The following TMEM33 variants were observed in gnomAD, a reference collection of about 807,000 sequenced individuals.
The protein encoded by TMEM33 is transmembrane protein 33.
In TMEM33, 16 loss-of-function variants were observed where a neutral mutation model predicts 29.7. The ratio of observed to expected loss-of-function variants is 0.54; its 90% confidence interval spans 0.36 to 0.82. The LOEUF (loss-of-function observed/expected upper bound fraction) is 0.82, where lower values mean the gene tolerates loss of function less well. Among genes scored for constraint, TMEM33 ranks in the 40% least tolerant of loss-of-function variants. The probability of loss-of-function intolerance (pLI) is 0.00; values close to 1 mark genes in which losing one functional copy is unlikely to be tolerated. For missense variants in TMEM33, 252 were observed against 295.3 expected (o/e 0.85, Z 1.08); for synonymous variants, 112 against 109.4 (o/e 1.02, Z -0.15).
In TMEM33 at chr4:41,957,407, T is replaced by C. The variant is rs1022665628; in HGVS notation, c.*3208T>C. ...GAAAAGGCCAACTATAATACTAAGC[T>C]AAAAGTTATGAAAAATTAATAGGTT... On this transcript the variant is annotated 3_prime_UTR_variant, in exon 7 of 7. Transcript: ENST00000504986. 12 of 151,904 alleles carry C rather than the reference T, an allele frequency of 7.9e-5. No homozygotes were observed. Among genetic ancestry groups the C allele is most frequent in the Non-Finnish European group, 1.2e-4 (8 of 67,964 alleles). 9.4% of individuals were successfully genotyped at this position (151,904 alleles called of 1,614,324 possible).
Position 41,945,161 on chromosome 4 carries a change from CT to C in TMEM33, c.530+238del, listed in dbSNP as rs1446157486. Among the ~76,000 whole-genome samples, 3 of 152,262 alleles carry C rather than the reference CT, an allele frequency of 2.0e-5. No homozygotes were observed. The East Asian group carries it at 5.8e-4, about 29-fold the overall frequency. ...TTATCATTTGACATTTTAAAAATTACTTTCATAGTTACCACCTTTGAAAGAA... is the reference window on the plus strand; with the variant it reads ...TTATCATTTGACATTTTAAAAATTACTTCATAGTTACCACCTTTGAAAGAA... On this transcript the variant is annotated intron_variant, in intron 5 of 6. Transcript: ENST00000504986.
In TMEM33 at chr4:41,955,720, T is replaced by C. The variant is rs1713235295; in HGVS notation, c.*1521T>C. 1 of 152,644 alleles carries C rather than the reference T, an allele frequency of 6.6e-6. No individual in the cohort carries two copies. Among genetic ancestry groups the C allele is most frequent in the Non-Finnish European group, 1.5e-5 (1 of 68,034 alleles). The allele number at this position is 152,644 out of a possible 1,614,324, so 9.5% of individuals were successfully genotyped here. A position where few individuals can be genotyped will look rare whatever the true frequency, so the allele number is the denominator to read the frequency against. ...CCTCATACAGTTGATTTTGTGTATGTGGCTAGTCTTATTGTCACTATGTAA... is the reference window on the plus strand; with the variant it reads ...CCTCATACAGTTGATTTTGTGTATGCGGCTAGTCTTATTGTCACTATGTAA... On this transcript the variant is annotated 3_prime_UTR_variant, in exon 7 of 7. Coordinates refer to ENST00000504986, the MANE Select transcript of TMEM33 (RefSeq NM_018126.3).
intron 3 of TMEM33, among the ~76,000 whole-genome samples, chr4:41,942,898 A>G (rs756196851): frequency 6.6e-6 from 1 of 152,220 alleles, no homozygotes; most frequent in Non-Finnish European, 1.5e-5. Flanking sequence ...AACTGTGACA[A>G]CTTGTTAGGT....
chr4:41,948,810 T>A (rs1712906290), intron 5 of TMEM33, among the ~76,000 whole-genome samples: 1 of 152,110 alleles, frequency 6.6e-6, no homozygotes. Flanking sequence ...TTCATAAACA[T>A]ATATATAATT....
In TMEM33 at chr4:41,957,912, A is replaced by G. The variant is rs1713332557; in HGVS notation, c.*3713A>G. 6.6e-6 allele frequency: 1 copy of G among 152,232 alleles called. No individual in the cohort carries two copies. Among genetic ancestry groups the G allele is most frequent in the Admixed American group, 6.5e-5 (1 of 15,284 alleles). 9.4% of individuals were successfully genotyped at this position (152,232 alleles called of 1,614,324 possible). ...TGTGTTTGAAGGTTAAATGCCACCA[A>G]AAGTGCTGAGTCAGCTATAAAACTA... On this transcript the variant is annotated 3_prime_UTR_variant, in exon 7 of 7. Transcript: ENST00000504986.
In TMEM33 at chr4:41,958,584, T is replaced by G. The variant is rs1284127886; in HGVS notation, c.*4385T>G. ...ATAGCCCGTTGAACCTCTTTTAAAA[T>G]TTAGACTTTTGATAGTAATATAAAA... On this transcript the variant is annotated 3_prime_UTR_variant, in exon 7 of 7. Coordinates refer to ENST00000504986, the MANE Select transcript of TMEM33 (RefSeq NM_018126.3). 1.3e-5 allele frequency: 2 copies of G among 152,102 alleles called. No homozygotes were observed. The highest frequency in any genetic ancestry group is 4.8e-5 in the African/African-American group (2 of 41,404). The allele number at this position is 152,102 out of a possible 1,614,324, so 9.4% of individuals were successfully genotyped here. A position where few individuals can be genotyped will look rare whatever the true frequency, so the allele number is the denominator to read the frequency against.
intron 6 of TMEM33, among the ~76,000 whole-genome samples, chr4:41,953,191 T>G (rs1713119056): frequency 6.6e-6 from 1 of 152,228 alleles, no homozygotes; most frequent in South Asian, 2.1e-4. Context: ...GTTATTCTTT[T>G]ACTTCAAATT....
At chr4:41,940,797 G>A (rs1712502707) in intron 3 of TMEM33, among the ~76,000 whole-genome samples, 1 of 118,046 alleles carries the variant, frequency 8.5e-6, no homozygotes, top group Non-Finnish European at 1.6e-5. Context: ...GACAGAGCGA[G>A]ACTCCTTCTC....
Position 41,954,328 on chromosome 4 carries a change from C to A in TMEM33, c.*129C>A. On this transcript the variant is annotated 3_prime_UTR_variant, in exon 7 of 7. Coordinates refer to ENST00000504986, the MANE Select transcript of TMEM33 (RefSeq NM_018126.3). ...TTACATAATTTACATAAATGCATCTCGGTGGAAAAATAATCATTTTCTTGG... is the reference window on the plus strand; with the variant it reads ...TTACATAATTTACATAAATGCATCTAGGTGGAAAAATAATCATTTTCTTGG... 3 of 976,742 alleles carry A rather than the reference C, an allele frequency of 3.1e-6. No homozygotes were observed. The highest frequency in any genetic ancestry group is 5.4e-5 in the South Asian group (2 of 36,986). The allele number at this position is 976,742 out of a possible 1,614,324, so 60.5% of individuals were successfully genotyped here.
chr4:41,946,772 CTTTT>C (rs1338092116), intron 5 of TMEM33, among the ~76,000 whole-genome samples: 1 of 147,364 alleles, frequency 6.8e-6, no homozygotes, highest in African/African-American at 2.5e-5. Context: ...CCACCTCTTT[CTTTT>C]GTGATCCTGA....
intron 6 of TMEM33, among the ~76,000 whole-genome samples, chr4:41,951,411 A>G (rs939170035): frequency 6.6e-6 from 1 of 152,188 alleles, no homozygotes; most frequent in African/African-American, 2.4e-5. Flanking sequence ...CAGCACAGAT[A>G]TGCAAAAATT....
In TMEM33 at chr4:41,944,679, A is replaced by G. The variant is rs1451228041; in HGVS notation, c.397-114A>G. The G allele has an allele frequency of 2.5e-6, 3 of 1,186,584 alleles. No homozygotes were observed. In the Admixed American group the frequency reaches 8.3e-5, roughly 33 times the overall value. 73.5% of individuals were successfully genotyped at this position (1,186,584 alleles called of 1,614,324 possible). A position where few individuals can be genotyped will look rare whatever the true frequency, so the allele number is the denominator to read the frequency against. On this transcript the variant is annotated intron_variant, in intron 4 of 6. Coordinates refer to ENST00000504986, the MANE Select transcript of TMEM33 (RefSeq NM_018126.3). The stretch of plus-strand genomic sequence containing the variant: ...TTGTGAACTTCGTACCATCATTTCC[A>G]AAGTAGTATATTTGGTTGTATTGCC...
In TMEM33 at chr4:41,957,601, T is replaced by G. The variant is rs953985508; in HGVS notation, c.*3402T>G. ...CAAGTAGAACTGAGAGATTTAGTTT[T>G]TTTTTTTTTTAAGTTTTAGTTCAGA... On this transcript the variant is annotated 3_prime_UTR_variant, in exon 7 of 7. Coordinates refer to ENST00000504986, the MANE Select transcript of TMEM33 (RefSeq NM_018126.3). 2.0e-5 allele frequency: 3 copies of G among 152,020 alleles called. No homozygotes were observed. Among genetic ancestry groups the G allele is most frequent in the Non-Finnish European group, 2.9e-5 (2 of 67,992 alleles). 9.4% of individuals were successfully genotyped at this position (152,020 alleles called of 1,614,324 possible).
At chr4:41,946,310 C>G (rs1712787116) in intron 5 of TMEM33, among the ~76,000 whole-genome samples, 2 of 151,864 alleles carry the variant, frequency 1.3e-5, no homozygotes, top group South Asian at 4.1e-4. Flanking sequence ...TCTGTATTAC[C>G]TGTTTTTCAT....
chr4:41,946,569 G>GTCCCAAC (rs1442723188), intron 5 of TMEM33, among the ~76,000 whole-genome samples: 2 of 152,132 alleles, frequency 1.3e-5, no homozygotes, highest in African/African-American at 4.8e-5. Flanking sequence ...AAGTTGTATG[G>GTCCCAAC]TCCCAACTAG....
chr4:41,939,975 G>A (rs1712440124), intron 3 of TMEM33: 1 of 343,220 alleles, frequency 2.9e-6, no homozygotes, highest in Non-Finnish European at 5.7e-6. Flanking sequence ...GTTGTGGGAT[G>A]ATACTGGGTA....
chr4:41,950,460 G>GT (rs1383377717), intron 6 of TMEM33, among the ~76,000 whole-genome samples: 3 of 152,054 alleles, frequency 2.0e-5, no homozygotes, highest in Non-Finnish European at 2.9e-5. Flanking sequence ...TTCTTCATTG[G>GT]TAGAGGAAAT....
chr4:41,954,356 T>C lies in TMEM33; in HGVS notation c.*157T>C, dbSNP rs966352475. 62 of 896,032 alleles carry C rather than the reference T, an allele frequency of 6.9e-5. 1 individual carries two copies. Among genetic ancestry groups the C allele is most frequent in the Non-Finnish European group, 9.7e-5 (61 of 631,482 alleles). 55.5% of individuals were successfully genotyped at this position (896,032 alleles called of 1,614,324 possible). A position where few individuals can be genotyped will look rare whatever the true frequency, so the allele number is the denominator to read the frequency against. ...TGGAAAAATAATCATTTTCTTGGCA[T>C]GTTAAATCAAGCTTAAAAAGTTTTG... On this transcript the variant is annotated 3_prime_UTR_variant, in exon 7 of 7. Coordinates refer to ENST00000504986, the MANE Select transcript of TMEM33 (RefSeq NM_018126.3).
chr4:41,940,807 C>CAAAAAAAAAAAAAA (rs11390153), intron 3 of TMEM33, among the ~76,000 whole-genome samples: 1 of 53,274 alleles, frequency 1.9e-5, no homozygotes, highest in Non-Finnish European at 3.9e-5. Context: ...GACTCCTTCT[C>CAAAAAAAAAAAAAA]AAAAAAAAAA....
Sources: gnomAD v4.1 joint callset for allele counts (sites outside exome capture counted in the v4.1 genomes callset) on GRCh38, gnomAD v4.1.1 for gene constraint, MANE v1.5 for transcripts, NCBI Gene and HGNC (gene_info 2026-07-23, HGNC 2026-07-21) for gene names.